Variants in ANO1 observed in about 807,000 individuals in gnomAD.
ANO1 encodes the protein anoctamin 1.
In ANO1, 59 loss-of-function variants were observed where a neutral mutation model predicts 124.0. That is an observed-to-expected ratio of 0.48 (90% CI 0.39 to 0.59). The LOEUF (loss-of-function observed/expected upper bound fraction) is 0.59. ANO1 is among the 20% of genes least tolerant of loss of function. ANO1 has a pLI of 0.00. For synonymous variants in ANO1, 529 were observed against 532.0 expected (o/e 0.99, Z 0.08); for missense variants, 1,059 against 1,328.0 (o/e 0.80, Z 3.15).
At chr11:70,126,874 A>G (rs1284202368) in intron 10 of ANO1, among the ~76,000 whole-genome samples, 21 of 111,070 alleles carry the variant, frequency 1.9e-4, no homozygotes, top group East Asian at 1.2e-3. Flanking sequence ...GCAGGCTGGC[A>G]CTTGCGGGAG....
At chr11:69,983,575 C>G (rs1433641219), upstream of ANO1, among the ~76,000 whole-genome samples, 1 of 151,918 alleles carries the variant, frequency 6.6e-6, no homozygotes, top group Non-Finnish European at 1.5e-5. Context: ...AAGCAGGGTG[C>G]TCCGGGTGCT....
intron 8 of ANO1, among the ~76,000 whole-genome samples, chr11:70,123,213 A>C (rs763437332): frequency 2.0e-5 from 3 of 152,166 alleles, no homozygotes; most frequent in Non-Finnish European, 4.4e-5. Context: ...AACCATGGCC[A>C]TGCTTAGCTG....
At chr11:70,165,890 C>A (rs1391381611) in intron 20 of ANO1, among the ~76,000 whole-genome samples, 1 of 152,136 alleles carries the variant, frequency 6.6e-6, no homozygotes, top group Non-Finnish European at 1.5e-5. Context: ...TGTGCTGGTG[C>A]GTGCCTGTAG....
chr11:70,159,099 G>C (rs1339895368), intron 16 of ANO1, among the ~76,000 whole-genome samples: 2 of 152,200 alleles, frequency 1.3e-5, no homozygotes, highest in Non-Finnish European at 2.9e-5. Context: ...CTGGTCTGGT[G>C]GCCCCACGAT....
intron 2 of ANO1, among the ~76,000 whole-genome samples, chr11:70,092,723 T>G (rs1321706368): frequency 6.6e-6 from 1 of 152,110 alleles, no homozygotes; most frequent in Non-Finnish European, 1.5e-5. Flanking sequence ...AGTATCCACA[T>G]GAGCCCCTGG....
At chr11:70,000,043 C>T (rs1364258099) in intron 1 of ANO1, among the ~76,000 whole-genome samples, 3 of 152,154 alleles carry the variant, frequency 2.0e-5, no homozygotes, top group Admixed American at 2.0e-4. Context: ...AAGATAAAGT[C>T]TCAGGAAGGA....
chr11:69,981,675 T>G (rs7929421), upstream of ANO1, among the ~76,000 whole-genome samples: 1 of 152,076 alleles, frequency 6.6e-6, no homozygotes, highest in Non-Finnish European at 1.5e-5. Flanking sequence ...AGCCCTCCTC[T>G]CCCGCTAGCC....
chr11:70,161,449 T>G, intron 17 of ANO1, 87 bp downstream of exon 17: 1 of 1,497,708 alleles, frequency 6.7e-7, no homozygotes. Flanking sequence ...AGTTTGTTGC[T>G]TAACTTCTCT....
At chr11:70,095,964 T>G (rs570775339) in intron 2 of ANO1, among the ~76,000 whole-genome samples, 28 of 152,362 alleles carry the variant, frequency 1.8e-4, no homozygotes, top group African/African-American at 6.0e-4. Context: ...CTTTTCTATC[T>G]TGAGGTTTAT....
chr11:70,090,450 A>T (rs1246872846), intron 2 of ANO1, among the ~76,000 whole-genome samples: 1 of 152,180 alleles, frequency 6.6e-6, no homozygotes, highest in Non-Finnish European at 1.5e-5. Flanking sequence ...CTGATGGAAA[A>T]GCTAGGCCTC....
chr11:70,177,609 T>G lies in ANO1; in HGVS notation c.2351-2395T>G, dbSNP rs867234418. ...TTTTTTTTTTCTTTTTTTTTTTTTT[T>G]TTTTTTTTGAGACAGAGCCTCGTTC... On this transcript the variant is annotated intron_variant, in intron 22 of 25. Transcript: ENST00000355303. Among the ~76,000 whole-genome samples, 1,043 of 139,182 alleles carry G rather than the reference T, an allele frequency of 7.5e-3. 5 individuals are homozygous for G. Among genetic ancestry groups the G allele is most frequent in the Non-Finnish European group, 0.011 (704 of 64,608 alleles). The allele number at this position is 139,182 out of a possible 152,430, so 91.3% of individuals were successfully genotyped here.
chr11:70,026,358 TGGTG>T (rs1437505686), intron 1 of ANO1, among the ~76,000 whole-genome samples: 1 of 150,098 alleles, frequency 6.7e-6, no homozygotes, highest in Non-Finnish European at 1.5e-5. Flanking sequence ...GTGACGGTGA[TGGTG>T]GTGGTGGTGA....
At chr11:70,011,991 C>T (rs1856605381) in intron 1 of ANO1, among the ~76,000 whole-genome samples, 1 of 152,060 alleles carries the variant, frequency 6.6e-6, no homozygotes. Flanking sequence ...TCCATCCATC[C>T]ATCCATCTTT....
intron 25 of ANO1, 95 bp downstream of exon 25, chr11:70,185,790 AG>A: frequency 7.4e-7 from 1 of 1,357,724 alleles, no homozygotes; most frequent in Non-Finnish European, 1.0e-6. Flanking sequence ...TGCTAAAGCC[AG>A]GGGTTCAGAG....
At chr11:70,113,719 T>C (rs1012734470) in intron 7 of ANO1, among the ~76,000 whole-genome samples, 3 of 152,046 alleles carry the variant, frequency 2.0e-5, no homozygotes, top group Non-Finnish European at 2.9e-5. Context: ...AGTTAGCCCT[T>C]TAAGTCTTAA....
intron 7 of ANO1, 45 bp from the exon 8 acceptor site, chr11:70,116,413 G>C (rs758991143): frequency 6.4e-7 from 1 of 1,562,418 alleles, no homozygotes; most frequent in Non-Finnish European, 8.7e-7. Flanking sequence ...CGCCTCCAAA[G>C]CTCCATTGGA....
the ANO1 span, among the ~76,000 whole-genome samples, chr11:69,971,378 T>C: frequency 6.6e-6 from 1 of 152,186 alleles, no homozygotes; most frequent in Non-Finnish European, 1.5e-5. Flanking sequence ...TGTTCTCTGC[T>C]GTATCCTAGA....
At position 70,189,250 on chromosome 11, in the gene ANO1, T is replaced by G. The variant is rs1252784956; in HGVS notation, c.*1246T>G. The G allele has an allele frequency of 6.6e-6, 1 of 152,638 alleles. No homozygotes were observed. Among genetic ancestry groups the G allele is most frequent in the African/African-American group, 2.4e-5 (1 of 41,450 alleles). 9.5% of individuals were successfully genotyped at this position (152,638 alleles called of 1,614,324 possible). A position where few individuals can be genotyped will look rare whatever the true frequency, so the allele number is the denominator to read the frequency against. On this transcript the variant is annotated 3_prime_UTR_variant, in exon 26 of 26. Transcript: ENST00000355303. ...TAGAAATAAATTTGTCTTGAAGATCTCATTGATGTGATGTTACATTCCCTT... is the reference window on the plus strand; with the variant it reads ...TAGAAATAAATTTGTCTTGAAGATCGCATTGATGTGATGTTACATTCCCTT...
the ANO1 span, among the ~76,000 whole-genome samples, chr11:69,978,375 GCCTCACTC>G: frequency 1.7e-4 from 26 of 152,122 alleles, no homozygotes; most frequent in African/African-American, 6.3e-4. Context: ...CTTGAGACAG[GCCTCACTC>G]CCGGTAGTGC....
Sources: allele counts gnomAD v4.1 joint callset (sites outside exome capture counted in the v4.1 genomes callset), GRCh38; gene constraint gnomAD v4.1.1; transcripts MANE v1.5; gene names NCBI Gene and HGNC (gene_info 2026-07-23, HGNC 2026-07-21).